MTUS2: variants seen among roughly 807,000 people sequenced by gnomAD.
The protein encoded by MTUS2 is microtubule-associated tumor suppressor candidate 2.
A neutral mutation model predicts 114.1 loss-of-function variants in MTUS2; 40 were observed. The observed-to-expected ratio is 0.35, with a 90% confidence interval of 0.27 to 0.46. The LOEUF is 0.46. Ranked by LOEUF, MTUS2 falls within the 20% of genes least tolerant of loss-of-function variation. MTUS2 has a pLI of 1.00. For synonymous variants in MTUS2, 688 were observed against 672.0 expected (o/e 1.02, Z -0.37); for missense variants, 1,679 against 1,705.4 (o/e 0.98, Z 0.27).
chr13:29,492,282 TGGTGTGTATGTGATGTGTGGTA>T (rs1882237343), intron 11 of MTUS2, among the ~76,000 whole-genome samples: 1 of 149,922 alleles, frequency 6.7e-6, no homozygotes, highest in Non-Finnish European at 1.5e-5. Context: ...GTGTGGCATG[TGGTGTGTATGTGATGTGTGGTA>T]GGTGTGTATG....
chr13:29,126,389 A>C (rs974590764), intron 5 of MTUS2, among the ~76,000 whole-genome samples: 12 of 151,904 alleles, frequency 7.9e-5, no homozygotes, highest in African/African-American at 2.4e-4. Context: ...CACAGTGGCT[A>C]CTCCAAACCT....
chr13:29,501,084 GT>G lies in MTUS2; in HGVS notation c.3799-10del. 6.2e-7 allele frequency: 1 copy of G among 1,612,346 alleles called. No homozygotes were observed. Among genetic ancestry groups the G allele is most frequent in the Non-Finnish European group, 8.5e-7 (1 of 1,178,598 alleles). ...GCCTTGCTAGAACCTCTTAAACACT[GT>G]TTCCTTTGTAGGCAGAAAAGAACAT... On this transcript the variant is annotated splice_polypyrimidine_tract_variant and intron_variant, in intron 14 of 15. Transcript: ENST00000612955.
chr13:29,492,983 G>A (rs1593514723), intron 12 of MTUS2, among the ~76,000 whole-genome samples: 1 of 152,324 alleles, frequency 6.6e-6, no homozygotes, highest in Non-Finnish European at 1.5e-5. Flanking sequence ...CATTCAGAGA[G>A]ATTACTCTGC....
At chr13:29,211,647 T>C (rs1895444266) in intron 5 of MTUS2, among the ~76,000 whole-genome samples, 1 of 152,138 alleles carries the variant, frequency 6.6e-6, no homozygotes, top group African/African-American at 2.4e-5. Flanking sequence ...CCCCTACCCC[T>C]ATATTTTGCT....
intron 8 of MTUS2, among the ~76,000 whole-genome samples, chr13:29,375,813 G>A (rs1390083757): frequency 6.6e-6 from 1 of 150,816 alleles, no homozygotes; most frequent in Non-Finnish European, 1.5e-5. Context: ...CATACAGAGT[G>A]GTATAATGGA....
rs893694414 is a variant in MTUS2 at position 29,100,861 on chromosome 13, G to C, written c.2535G>C (p.Pro845=). The change falls in exon 5 of 16, where the codon CCG becomes CCC. Residue 845 remains proline (P), a synonymous_variant. Transcript: ENST00000612955. ...GTCCTCCCGGATACTCACGTCTCCC[G>C]GCAGCCAAACTGGCGGCATTTGGCT... The part of the protein sequence containing the change: ...GLRPPGYSRL[P]AAKLAAFGFV... 2.6e-6 allele frequency: 4 copies of C among 1,554,226 alleles called. No homozygotes were observed. The highest frequency in any genetic ancestry group is 3.5e-6 in the Non-Finnish European group (4 of 1,148,508).
At chr13:28,928,293 A>G (rs186555808) in intron 2 of MTUS2, among the ~76,000 whole-genome samples, 1 of 152,352 alleles carries the variant, frequency 6.6e-6, no homozygotes, top group Non-Finnish European at 1.5e-5. Flanking sequence ...ATAGCAAGGG[A>G]AACAAGCAAC....
intron 5 of MTUS2, among the ~76,000 whole-genome samples, chr13:29,235,569 G>A (rs754571495): frequency 2.0e-5 from 3 of 152,096 alleles, no homozygotes; most frequent in East Asian, 3.8e-4. Flanking sequence ...ACTATTAAAC[G>A]TGTGGTCTGA....
chr13:28,925,716 TATATACTCACTGG>T, intron 2 of MTUS2, among the ~76,000 whole-genome samples: 1 of 152,326 alleles, frequency 6.6e-6, no homozygotes, highest in Non-Finnish European at 1.5e-5. Context: ...TCAAATTCCT[TATATACTCACTGG>T]GGAAATACAG....
chr13:28,917,112 C>A (rs553273613), intron 2 of MTUS2, among the ~76,000 whole-genome samples: 6 of 151,864 alleles, frequency 4.0e-5, no homozygotes, highest in Non-Finnish European at 8.8e-5. Flanking sequence ...AGGAATTAAT[C>A]CGACCTGGTC....
At chr13:29,286,672 G>GTCTGTCTGTCTGTCTATCTA (rs577593135) in intron 6 of MTUS2, among the ~76,000 whole-genome samples, 1 of 110,922 alleles carries the variant, frequency 9.0e-6, no homozygotes, top group African/African-American at 3.2e-5. Context: ...CTGTCTGTCT[G>GTCTGTCTGTCTGTCTATCTA]TCTATCTATC....
chr13:29,243,860 A>G (rs1896816046), intron 5 of MTUS2, among the ~76,000 whole-genome samples: 2 of 152,172 alleles, frequency 1.3e-5, no homozygotes, highest in Non-Finnish European at 2.9e-5. Flanking sequence ...GATGATCCTA[A>G]TTTATAGCCA....
In MTUS2 at chr13:29,339,337, T is replaced by C. The variant is rs183187731; in HGVS notation, c.2905+14626T>C. 3.9e-3 allele frequency among the ~76,000 whole-genome samples: 592 copies of C among 152,268 alleles called. 3 individuals carry two copies. The highest frequency in any genetic ancestry group is 0.014 in the African/African-American group (565 of 41,566). On this transcript the variant is annotated intron_variant, in intron 7 of 15. Transcript: ENST00000612955. The stretch of plus-strand genomic sequence containing the variant: ...GCCTGGGCACAAAGGCGGGGACCTC[T>C]CCATGTCTCCTGATGGGCTTGAAAG...
At chr13:29,141,292 G>A (rs1409533847) in intron 5 of MTUS2, among the ~76,000 whole-genome samples, 1 of 152,190 alleles carries the variant, frequency 6.6e-6, no homozygotes, top group Non-Finnish European at 1.5e-5. Context: ...GGTAAATAGA[G>A]GGTTGCCCAG....
chr13:29,177,044 C>G (rs1893803685), intron 5 of MTUS2, among the ~76,000 whole-genome samples: 1 of 151,184 alleles, frequency 6.6e-6, no homozygotes, highest in African/African-American at 2.5e-5. Flanking sequence ...TCATCCATCT[C>G]TCTTTCTAGA....
intron 6 of MTUS2, among the ~76,000 whole-genome samples, chr13:29,316,324 A>ATT (rs34664454): frequency 6.6e-6 from 1 of 152,096 alleles, no homozygotes; most frequent in Admixed American, 6.5e-5. Flanking sequence ...GGGGATGGAG[A>ATT]TTTTTTTACC....
At chr13:29,295,497 C>T (rs185060700) in intron 6 of MTUS2, among the ~76,000 whole-genome samples, 2 of 152,226 alleles carry the variant, frequency 1.3e-5, no homozygotes, top group East Asian at 3.9e-4. Context: ...TTTTAGCTTC[C>T]ACATGTTAAT....
intron 7 of MTUS2, among the ~76,000 whole-genome samples, chr13:29,325,010 C>G (rs1900421257): frequency 6.6e-6 from 1 of 152,168 alleles, no homozygotes; most frequent in African/African-American, 2.4e-5. Flanking sequence ...CTTTAAAGAT[C>G]TAACCTTAAG....
chr13:29,124,524 A>G (rs1891437273), intron 5 of MTUS2, among the ~76,000 whole-genome samples: 1 of 152,274 alleles, frequency 6.6e-6, no homozygotes, highest in South Asian at 2.1e-4. Context: ...CAAGATGACA[A>G]TTCCTCAAAA....
Sources: allele counts gnomAD v4.1 joint callset (sites outside exome capture counted in the v4.1 genomes callset), GRCh38; gene constraint gnomAD v4.1.1; transcripts MANE v1.5; gene names NCBI Gene and HGNC (gene_info 2026-07-23, HGNC 2026-07-21).